Variants in FAT3 observed in about 807,000 individuals in gnomAD.
FAT3 encodes protocadherin Fat 3.
A neutral mutation model predicts 310.2 loss-of-function variants in FAT3; 95 were observed. That is an observed-to-expected ratio of 0.31 (90% confidence interval 0.26 to 0.36). The LOEUF is 0.36. FAT3 is among the 10% of genes least tolerant of loss of function. The probability of loss-of-function intolerance (pLI) is 1.00; values close to 1 mark genes in which losing one functional copy is unlikely to be tolerated. For synonymous variants in FAT3, 2,314 were observed against 2,192.9 expected (o/e 1.06, Z -1.54); for missense variants, 5,408 against 5,715.6 (o/e 0.95, Z 1.74).
At chr11:92,825,444 A>G (rs1948078123) in intron 13 of FAT3, among the ~76,000 whole-genome samples, 1 of 152,238 alleles carries the variant, frequency 6.6e-6, no homozygotes, top group South Asian at 2.1e-4. Flanking sequence ...AACTGAGGAA[A>G]TTAAGGAAGC....
intron 4 of FAT3, among the ~76,000 whole-genome samples, chr11:92,705,435 GAT>G (rs1944258226): frequency 7.0e-6 from 1 of 143,070 alleles, no homozygotes; most frequent in Non-Finnish European, 1.5e-5. Context: ...TGGTGGTGGT[GAT>G]GGTGGTGGTG....
In FAT3 at chr11:92,354,186, C is replaced by G. The variant is rs1948659283; in HGVS notation, c.2074C>G (p.Leu692Val). The G allele has an allele frequency of 1.9e-6, 3 of 1,613,738 alleles. No individual in the cohort carries two copies. The East Asian group carries it at 6.7e-5, about 36-fold the overall frequency. ...CAGAGAAACTCGTGTGGCTCAAAAG[C>G]TGGCAGAGAAACTACTCATTAAGGC... ...SCRETRVAQK[L>V]AEKLLIKAKA... Residue 692 changes from leucine (L) to valine (V), a missense_variant, in exon 2 of 28, where the codon CTG (leucine) becomes GTG (valine). By Grantham distance (32) the Leu-to-Val change is conservative (BLOSUM62 1). Transcript: ENST00000525166.
intron 2 of FAT3, among the ~76,000 whole-genome samples, chr11:92,492,241 TTCCA>T (rs58384100): frequency 0.18 from 27,036 of 148,722 alleles, 2,564 homozygotes; most frequent in African/African-American, 0.25. Flanking sequence ...ATATATATAT[TTCCA>T]TCCATCCATC....
chr11:92,647,788 G>A (rs897304684), intron 3 of FAT3, among the ~76,000 whole-genome samples: 3 of 152,026 alleles, frequency 2.0e-5, no homozygotes, highest in African/African-American at 4.8e-5. Flanking sequence ...AACAAGGAAC[G>A]CAGGAAACAG....
chr11:92,242,293 G>A (rs534160550), intron 1 of FAT3, among the ~76,000 whole-genome samples: 50 of 152,162 alleles, frequency 3.3e-4, no homozygotes, highest in Non-Finnish European at 1.8e-4. Flanking sequence ...GATGGTAAGG[G>A]ACTCAGACAT....
At position 92,677,789 on chromosome 11, in the gene FAT3, C is replaced by A. The variant is rs948059075; in HGVS notation, c.3608-19595C>A. On this transcript the variant is annotated intron_variant, in intron 3 of 27. Coordinates refer to ENST00000525166, the MANE Select transcript of FAT3 (RefSeq NM_001367949.2). ...GTTTTGAACAAATAATTGGACAAAA[C>A]ACACAAACGATGCAATGACAGAATG... Among the ~76,000 whole-genome samples, 64 of 152,142 alleles carry A rather than the reference C, an allele frequency of 4.2e-4. 4 individuals carry two copies. The highest frequency in any genetic ancestry group is 7.3e-5 in the Non-Finnish European group (5 of 68,030).
chr11:92,633,844 T>G (rs1941651921), intron 3 of FAT3, among the ~76,000 whole-genome samples: 1 of 152,180 alleles, frequency 6.6e-6, no homozygotes, highest in South Asian at 2.1e-4. Flanking sequence ...AGGGTTCAGT[T>G]AGGTTCATCT....
At chr11:92,885,572 C>T (rs1157946609) in intron 24 of FAT3, among the ~76,000 whole-genome samples, 2 of 151,986 alleles carry the variant, frequency 1.3e-5, no homozygotes, top group Admixed American at 6.6e-5. Flanking sequence ...AAGCAGTTGC[C>T]CTTGAATTTC....
intron 2 of FAT3, among the ~76,000 whole-genome samples, chr11:92,496,090 G>C (rs1161018655): frequency 2.6e-5 from 4 of 151,992 alleles, no homozygotes; most frequent in Non-Finnish European, 5.9e-5. Context: ...GTGCGCATTT[G>C]GGTGAGGTCT....
intron 2 of FAT3, among the ~76,000 whole-genome samples, chr11:92,457,267 TC>T (rs1951515950): frequency 6.6e-6 from 1 of 152,168 alleles, no homozygotes; most frequent in East Asian, 1.9e-4. Flanking sequence ...TTAGAAAACC[TC>T]CCTGAAGCAG....
chr11:92,303,951 A>G (rs1297721289), intron 1 of FAT3, among the ~76,000 whole-genome samples: 1 of 152,170 alleles, frequency 6.6e-6, no homozygotes, highest in African/African-American at 2.4e-5. Flanking sequence ...GGTTACAAAA[A>G]GATTTCAGTT....
intron 1 of FAT3, among the ~76,000 whole-genome samples, chr11:92,234,962 T>G (rs1864357895): frequency 6.6e-6 from 1 of 151,534 alleles, no homozygotes; most frequent in Non-Finnish European, 1.5e-5. Context: ...TCCCAGCTAC[T>G]TGGGAAGCTG....
chr11:92,500,079 T>C (rs1952890691), intron 2 of FAT3, among the ~76,000 whole-genome samples: 1 of 152,074 alleles, frequency 6.6e-6, no homozygotes, highest in South Asian at 2.1e-4. Context: ...CATTCTCCAC[T>C]GGATCTGTAG....
intron 2 of FAT3, among the ~76,000 whole-genome samples, chr11:92,500,019 G>C (rs915220284): frequency 6.6e-6 from 1 of 151,964 alleles, no homozygotes; most frequent in Non-Finnish European, 1.5e-5. Flanking sequence ...GTGATAGTAA[G>C]GGTAAATAAT....
intron 1 of FAT3, among the ~76,000 whole-genome samples, chr11:92,252,554 A>G (rs545952585): frequency 2.0e-5 from 3 of 152,118 alleles, no homozygotes; most frequent in African/African-American, 4.8e-5. Flanking sequence ...TCTCTAAATC[A>G]TGTCAACAGA....
intron 2 of FAT3, among the ~76,000 whole-genome samples, chr11:92,486,887 A>T (rs541172129): frequency 6.6e-6 from 1 of 152,116 alleles, no homozygotes; most frequent in South Asian, 2.1e-4. Context: ...TCCCACTCTC[A>T]TCTGGTTCCT....
chr11:92,316,183 C>A (rs527570401), intron 1 of FAT3, among the ~76,000 whole-genome samples: 40 of 151,882 alleles, frequency 2.6e-4, no homozygotes, highest in South Asian at 4.2e-4. Context: ...TTGAGCCAAG[C>A]AGAACTAGGG....
At chr11:92,772,786 T>G (rs1015691824) in intron 6 of FAT3, among the ~76,000 whole-genome samples, 1 of 151,896 alleles carries the variant, frequency 6.6e-6, no homozygotes, top group Non-Finnish European at 1.5e-5. Context: ...TATGACCAGG[T>G]TTTTTTTAAG....
intron 3 of FAT3, among the ~76,000 whole-genome samples, chr11:92,625,370 A>G (rs1941281642): frequency 6.6e-6 from 1 of 152,112 alleles, no homozygotes; most frequent in Non-Finnish European, 1.5e-5. Context: ...CATCTTATAC[A>G]CTGGCTGTCA....
Sources: allele counts gnomAD v4.1 joint callset (sites outside exome capture counted in the v4.1 genomes callset), GRCh38; gene constraint gnomAD v4.1.1; transcripts MANE v1.5; gene names NCBI Gene and HGNC (gene_info 2026-07-23, HGNC 2026-07-21).